The following INVS variants were observed in gnomAD, a reference collection of about 807,000 sequenced individuals.
INVS encodes inversion of embryo turning homolog.
In INVS, 86 loss-of-function variants were observed where a neutral mutation model predicts 108.8. That is an observed-to-expected ratio of 0.79 (90% CI 0.66 to 0.95). The LOEUF (loss-of-function observed/expected upper bound fraction) is 0.95. Among genes scored for constraint, INVS ranks in the 40% least tolerant of loss-of-function variants. The pLI, the probability that INVS is intolerant of heterozygous loss-of-function variation, is 0.00. For missense variants in INVS, 1,169 were observed against 1,297.4 expected, an observed-to-expected ratio of 0.90 and a Z score of 1.52; for synonymous variants, 455 against 473.5, an observed-to-expected ratio of 0.96 and a Z score of 0.51.
intron 10 of INVS, among the ~76,000 whole-genome samples, chr9:100,258,452 C>T (rs563120267): frequency 1.1e-4 from 16 of 152,238 alleles, no homozygotes; most frequent in East Asian, 7.7e-4. Context: ...GTGTTGCTAG[C>T]GAGGAGCTGT....
intron 3 of INVS, among the ~76,000 whole-genome samples, chr9:100,174,308 C>T (rs1241569571): frequency 3.3e-5 from 5 of 151,680 alleles, no homozygotes; most frequent in Admixed American, 2.0e-4. Context: ...CTGAAAACTA[C>T]AATATCTAAA....
Position 100,191,207 on chromosome 9 carries a change from G to A in INVS, c.274-34855G>A, listed in dbSNP as rs78458449. On this transcript the variant is annotated intron_variant, in intron 3 of 16. Transcript: ENST00000262457. ...CTCCCAGGAGTTCTTTCAGTTTCTC[G>A]TGTTTGGTTATCTAAATCTCTAGCA... 1.1e-4 allele frequency among the ~76,000 whole-genome samples: 16 copies of A among 152,124 alleles called. No individual in the cohort carries two copies. The East Asian group carries it at 1.7e-3, about 17-fold the overall frequency.
chr9:100,153,878 A>G (rs755161080), intron 3 of INVS, among the ~76,000 whole-genome samples: 3 of 152,230 alleles, frequency 2.0e-5, no homozygotes, highest in South Asian at 2.1e-4. Flanking sequence ...CAGAGCCCCA[A>G]TGGCCTAATC....
intron 2 of INVS, among the ~76,000 whole-genome samples, chr9:100,106,487 A>G (rs12346672): frequency 0.22 from 33,138 of 152,162 alleles, 4,333 homozygotes; most frequent in Non-Finnish European, 0.3. Context: ...TCACGACTGC[A>G]TTAGCGCACA....
At chr9:100,142,364 A>G (rs538728495) in intron 3 of INVS, among the ~76,000 whole-genome samples, 23 of 152,278 alleles carry the variant, frequency 1.5e-4, no homozygotes, top group African/African-American at 5.3e-4. Context: ...GGTAGCCTCA[A>G]TGATAGATGT....
intron 1 of INVS, 78 bp downstream of exon 1, chr9:100,099,494 G>C (rs1331958625): frequency 2.0e-5 from 3 of 152,556 alleles, no homozygotes; most frequent in African/African-American, 7.2e-5. Context: ...CAGACTCACG[G>C]CCTTCCTGGC....
intron 10 of INVS, among the ~76,000 whole-genome samples, chr9:100,260,406 C>T (rs1031568865): frequency 4.0e-5 from 6 of 151,226 alleles, no homozygotes; most frequent in Admixed American, 2.0e-4. Context: ...TTGGTCAGTC[C>T]GGTCTCGAAC....
At chr9:100,219,967 T>A (rs1485495494) in intron 3 of INVS, among the ~76,000 whole-genome samples, 1 of 152,028 alleles carries the variant, frequency 6.6e-6, no homozygotes, top group East Asian at 1.9e-4. Context: ...GATAGTAGTC[T>A]CCAAAGAGGG....
intron 3 of INVS, among the ~76,000 whole-genome samples, chr9:100,178,461 A>G (rs546958400): frequency 6.6e-6 from 1 of 152,328 alleles, no homozygotes; most frequent in South Asian, 2.1e-4. Flanking sequence ...GATGGAGCTA[A>G]AAAAACACAG....
chr9:100,157,163 A>C (rs1189712357), intron 3 of INVS, among the ~76,000 whole-genome samples: 1 of 151,774 alleles, frequency 6.6e-6, no homozygotes, highest in Non-Finnish European at 1.5e-5. Context: ...TGTATAGTAG[A>C]AACCTGTTTT....
chr9:100,238,293 CT>C (rs1831754613), intron 5 of INVS, among the ~76,000 whole-genome samples: 1 of 152,090 alleles, frequency 6.6e-6, no homozygotes. Context: ...TATTTTGCTA[CT>C]TTCTGCCTTT....
intron 3 of INVS, among the ~76,000 whole-genome samples, chr9:100,153,605 C>T (rs535745873): frequency 6.6e-6 from 1 of 152,288 alleles, no homozygotes; most frequent in East Asian, 1.9e-4. Context: ...GAAATGGTTT[C>T]CTTAGCCTGT....
intron 3 of INVS, among the ~76,000 whole-genome samples, chr9:100,177,211 A>G (rs1439765716): frequency 2.6e-5 from 4 of 152,106 alleles, no homozygotes; most frequent in African/African-American, 7.2e-5. Flanking sequence ...TTGGGCAGAC[A>G]CCAAGCTACC....
rs777589570 is a variant in INVS at position 100,104,548 on chromosome 9, T to C, written c.27T>C (p.Phe9=). The C allele has an allele frequency of 2.5e-5, 40 of 1,613,812 alleles. No individual in the cohort carries two copies. The highest frequency in any genetic ancestry group is 1.6e-4 in the Middle Eastern group (1 of 6,082). The part of the protein sequence containing the change: MNKSENLL[F]AGSSLASQVH... ...TGAACAAGTCAGAGAACCTGCTGTT[T>C]GCTGGTTCATCATTAGCATCACAAG... Residue 9 remains phenylalanine (F), a synonymous_variant, in exon 2 of 17, where the codon TTT becomes TTC. Coordinates refer to ENST00000262457, the MANE Select transcript of INVS (RefSeq NM_014425.5).
At chr9:100,123,425 A>G (rs1827786154) in intron 2 of INVS, among the ~76,000 whole-genome samples, 1 of 152,224 alleles carries the variant, frequency 6.6e-6, no homozygotes, top group African/African-American at 2.4e-5. Flanking sequence ...TGTTGAGCAT[A>G]TACTAGACCT....
intron 11 of INVS, 135 bp downstream of exon 11, chr9:100,265,063 C>A: frequency 1.5e-6 from 1 of 680,616 alleles, no homozygotes; most frequent in South Asian, 1.6e-5. Flanking sequence ...CTCCTTCAGC[C>A]TCCTGAGTAC....
At chr9:100,249,769 C>T (rs991117036) in intron 8 of INVS, among the ~76,000 whole-genome samples, 2 of 147,710 alleles carry the variant, frequency 1.4e-5, no homozygotes, top group African/African-American at 4.9e-5. Context: ...GCTGGGATTA[C>T]AGGCATGAGC....
At chr9:100,209,762 T>C (rs1588090424) in intron 3 of INVS, among the ~76,000 whole-genome samples, 1 of 84,624 alleles carries the variant, frequency 1.2e-5, no homozygotes, top group Non-Finnish European at 2.1e-5. Context: ...AGAACGAGAC[T>C]CCGTCTCAAA....
chr9:100,116,168 A>G (rs1344182248), intron 2 of INVS, among the ~76,000 whole-genome samples: 3 of 149,972 alleles, frequency 2.0e-5, no homozygotes, highest in African/African-American at 7.4e-5. Context: ...CAGTGGTGCA[A>G]TCTCGGCTCC....
Sources: gnomAD v4.1 joint callset for allele counts (sites outside exome capture counted in the v4.1 genomes callset) on GRCh38, gnomAD v4.1.1 for gene constraint, MANE v1.5 for transcripts, NCBI Gene and HGNC (gene_info 2026-07-23, HGNC 2026-07-21) for gene names.